The following STRIP2 variants were observed in gnomAD, a reference collection of about 807,000 sequenced individuals.
The protein encoded by STRIP2 is striatin-interacting protein 2.
Under a neutral mutation model 107.1 loss-of-function variants are expected in STRIP2, and 84 were observed. That is an observed-to-expected ratio of 0.78 (90% CI 0.66 to 0.94). The LOEUF is 0.94. Ranked by LOEUF, STRIP2 falls within the 40% of genes least tolerant of loss-of-function variation. STRIP2 has a pLI of 0.00. For synonymous variants in STRIP2, 394 were observed against 400.4 expected, an observed-to-expected ratio of 0.98 and a Z score of 0.19; for missense variants, 888 against 1,034.2, an observed-to-expected ratio of 0.86 and a Z score of 1.94.
intron 12 of STRIP2, 59 bp from the exon 13 acceptor site, chr7:129,460,242 A>T: frequency 6.8e-7 from 1 of 1,472,448 alleles, no homozygotes; most frequent in Non-Finnish European, 9.3e-7. Flanking sequence ...TAAGTAAGAG[A>T]CTGGTACACA....
chr7:129,458,638 C>A lies in STRIP2; in HGVS notation c.1275-74C>A. ...AGTCCTCTGATTGGAGGGATAGGAGCCCGGAAAGTTTTTCTCTCTCAAAGT... is the reference window on the plus strand; with the variant it reads ...AGTCCTCTGATTGGAGGGATAGGAGACCGGAAAGTTTTTCTCTCTCAAAGT... On this transcript the variant is annotated intron_variant, in intron 10 of 20. Transcript: ENST00000249344. The surrounding 1 kb of genome is among the most constrained non-coding windows in gnomAD (Gnocchi z 4.6). The A allele has an allele frequency of 6.6e-7, 1 of 1,522,054 alleles. No individual in the cohort carries two copies. Among genetic ancestry groups the A allele is most frequent in the Non-Finnish European group, 9.1e-7 (1 of 1,098,984 alleles). The allele number at this position is 1,522,054 out of a possible 1,614,324, so 94.3% of individuals were successfully genotyped here. A position where few individuals can be genotyped will look rare whatever the true frequency, so the allele number is the denominator to read the frequency against.
chr7:129,434,440 G>C lies in STRIP2; in HGVS notation c.-33G>C, dbSNP rs1021582472. On this transcript the variant is annotated 5_prime_UTR_variant, in exon 1 of 21. Transcript: ENST00000249344. ...GGTAGGGTCGCCTCCGGCAAAGCGA[G>C]CTGAACCCTGAGGGGAGCCGCTGAC... The C allele has an allele frequency of 1.6e-4, 236 of 1,470,186 alleles. No homozygotes were observed. The highest frequency in any genetic ancestry group is 2.0e-4 in the Non-Finnish European group (219 of 1,116,430). 91.1% of individuals were successfully genotyped at this position (1,470,186 alleles called of 1,614,324 possible).
chr7:129,477,140 C>T (rs1319389082), intron 18 of STRIP2, among the ~76,000 whole-genome samples: 1 of 136,416 alleles, frequency 7.3e-6, no homozygotes, highest in Admixed American at 7.7e-5. Flanking sequence ...GTCCAGCTTC[C>T]GCTCGGCATC....
intron 18 of STRIP2, among the ~76,000 whole-genome samples, chr7:129,474,530 C>CT (rs200851618): frequency 4.0e-4 from 61 of 150,958 alleles, no homozygotes; most frequent in Admixed American, 7.3e-4. Flanking sequence ...CTGAAGTAGT[C>CT]TTTTTTTTTG....
intron 11 of STRIP2, among the ~76,000 whole-genome samples, chr7:129,459,216 A>G (rs1798457730): frequency 6.6e-6 from 1 of 152,130 alleles, no homozygotes; most frequent in Non-Finnish European, 1.5e-5. Context: ...GTGGAGTTTC[A>G]TAGTCAAGGT....
At chr7:129,436,456 A>G (rs1234221377) in intron 1 of STRIP2, among the ~76,000 whole-genome samples, 1 of 152,134 alleles carries the variant, frequency 6.6e-6, no homozygotes, top group Non-Finnish European at 1.5e-5. Context: ...TTCCACCTGC[A>G]CCGCGGTTTA....
intron 9 of STRIP2, 131 bp downstream of exon 9, chr7:129,456,773 A>G: frequency 1.3e-6 from 1 of 782,262 alleles, no homozygotes; most frequent in Non-Finnish European, 2.0e-6. Context: ...CCCTATGACC[A>G]ACCTGAAATC....
Position 129,485,697 on chromosome 7 carries a change from T to C in STRIP2, c.2373T>C (p.Asp791=), listed in dbSNP as rs755864913. The C allele has an allele frequency of 3.1e-6, 5 of 1,614,150 alleles. No homozygotes were observed. The African/African-American group carries it at 6.7e-5, about 22-fold the overall frequency. The change falls in exon 21 of 21, where the codon GAT becomes GAC. Residue 791 remains aspartate, a synonymous_variant. Transcript: ENST00000249344. ...RPQDSEFSPV[D]NCLQSVLGQR... Reference sequence around the variant, plus strand: ...AGGACTCTGAGTTTTCACCTGTGGATAACTGCTTGCAGAGCGTACTGGGGC... The same window carrying C: ...AGGACTCTGAGTTTTCACCTGTGGACAACTGCTTGCAGAGCGTACTGGGGC...
chr7:129,483,134 G>T lies in STRIP2; in HGVS notation c.2254+88G>T. 2.0e-6 allele frequency: 3 copies of T among 1,505,830 alleles called. No homozygotes were observed. The highest frequency in any genetic ancestry group is 2.7e-6 in the Non-Finnish European group (3 of 1,125,738). 93.3% of individuals were successfully genotyped at this position (1,505,830 alleles called of 1,614,324 possible). ...ATATTTATCACTCCTCTTTTGGCAT[G>T]AATTGTTACATATTTTAGATGAAAA... On this transcript the variant is annotated intron_variant, in intron 20 of 20. Transcript: ENST00000249344. This position sits in a 1 kb window ranked among gnomAD's most constrained non-coding sequence, Gnocchi z 5.1.
intron 11 of STRIP2, 36 bp from the exon 12 acceptor site, chr7:129,459,481 G>A: frequency 6.3e-7 from 1 of 1,592,024 alleles, no homozygotes; most frequent in Non-Finnish European, 8.6e-7. Flanking sequence ...CTCGTACTTT[G>A]GAAGCTTATG....
In STRIP2 at chr7:129,461,261, C is replaced by A. The variant is rs1798526136; in HGVS notation, c.1476+889C>A. ...TAAGTTTTAGATGCCCATTAGATAC[C>A]CATGTGGAGCTGCAGGCAATTGGAA... On this transcript the variant is annotated intron_variant, in intron 13 of 20. Coordinates refer to ENST00000249344, the MANE Select transcript of STRIP2 (RefSeq NM_020704.3). The surrounding 1 kb of genome is among the most constrained non-coding windows in gnomAD (Gnocchi z 4.0). Among the ~76,000 whole-genome samples, 1 of 152,202 alleles carries A rather than the reference C, an allele frequency of 6.6e-6. No individual in the cohort carries two copies. The highest frequency in any genetic ancestry group is 1.9e-4 in the East Asian group (1 of 5,180).
At chr7:129,460,223 T>C in intron 12 of STRIP2, 78 bp from the exon 13 acceptor site, 1 of 1,312,036 alleles carries the variant, frequency 7.6e-7, no homozygotes, top group Non-Finnish European at 1.1e-6. Context: ...TCCTTGCTTT[T>C]GGGGAATTTA....
chr7:129,451,453 C>G (rs970563874), intron 3 of STRIP2, among the ~76,000 whole-genome samples, 160 bp from the exon 4 acceptor site: 1 of 152,180 alleles, frequency 6.6e-6, no homozygotes, highest in Non-Finnish European at 1.5e-5. Context: ...ATTTTGGGTC[C>G]TTTTCCCATA....
At chr7:129,468,145 T>A (rs376937779) in intron 17 of STRIP2, among the ~76,000 whole-genome samples, 1 of 152,190 alleles carries the variant, frequency 6.6e-6, no homozygotes, top group Non-Finnish European at 1.5e-5. Flanking sequence ...ACAGAGTAGA[T>A]CCTTGTTCCT....
At chr7:129,464,882 T>G in intron 16 of STRIP2, 144 bp downstream of exon 16, 1 of 1,052,596 alleles carries the variant, frequency 9.5e-7, no homozygotes, top group Middle Eastern at 2.7e-4. Context: ...CAGCCACCCA[T>G]TGCATGAGCT....
chr7:129,467,354 A>G lies in STRIP2; in HGVS notation c.1781A>G (p.Glu594Gly), dbSNP rs1798694903. The change falls in exon 17 of 21, where the codon GAA (glutamate) becomes GGA (glycine). Residue 594 changes from glutamate to glycine, a missense_variant. Transcript: ENST00000249344. Reference protein sequence around the residue: ...HFKLNHIYQFEYVSQHLVFAN... With the variant: ...HFKLNHIYQFGYVSQHLVFAN... The stretch of plus-strand genomic sequence containing the variant: ...CTGCTTTGATTTTTAATTCAGTTTG[A>G]ATATGTATCGCAACATTTGGTATTT... 6.2e-7 allele frequency: 1 copy of G among 1,612,138 alleles called. No individual in the cohort carries two copies. Among genetic ancestry groups the G allele is most frequent in the Admixed American group, 1.7e-5 (1 of 59,956 alleles).
chr7:129,436,481 G>A (rs1226696858), intron 1 of STRIP2, among the ~76,000 whole-genome samples: 4 of 152,180 alleles, frequency 2.6e-5, no homozygotes, highest in African/African-American at 9.7e-5. Flanking sequence ...CTGATTGTCT[G>A]CAGCTGCACT....
At chr7:129,454,326 C>T in intron 6 of STRIP2, 95 bp from the exon 7 acceptor site, 1 of 1,448,796 alleles carries the variant, frequency 6.9e-7, no homozygotes, top group Non-Finnish European at 9.7e-7. Flanking sequence ...GCTAATCTCA[C>T]TGGGTTGGGC....
At chr7:129,444,431 G>A (rs184067376) in intron 3 of STRIP2, among the ~76,000 whole-genome samples, 1 of 152,124 alleles carries the variant, frequency 6.6e-6, no homozygotes, top group Non-Finnish European at 1.5e-5. Flanking sequence ...AGGCTGAAAG[G>A]CTAGGCCCAT....
Sources: allele counts gnomAD v4.1 joint callset (sites outside exome capture counted in the v4.1 genomes callset), GRCh38; gene constraint gnomAD v4.1.1; non-coding constraint Gnocchi (gnomAD v3.1); transcripts MANE v1.5; gene names NCBI Gene and HGNC (gene_info 2026-07-23, HGNC 2026-07-21).